Variants in SYPL2 observed in about 807,000 individuals in gnomAD.
SYPL2 encodes the protein synaptophysin like 2.
In SYPL2, 24 loss-of-function variants were observed where a neutral mutation model predicts 31.3. The ratio of observed to expected loss-of-function variants is 0.77; its 90% CI spans 0.56 to 1.08. The LOEUF (loss-of-function observed/expected upper bound fraction) is 1.08. Ranked by LOEUF, SYPL2 falls within the 50% of genes least tolerant of loss-of-function variation. The pLI is 0.00. For missense variants in SYPL2, 342 were observed against 360.1 expected (o/e 0.95, Z 0.41); for synonymous variants, 144 against 143.1 (o/e 1.01, Z -0.05).
intron 2 of SYPL2, among the ~76,000 whole-genome samples, chr1:109,468,163 A>G (rs2100998272): frequency 6.6e-6 from 1 of 152,330 alleles, no homozygotes; most frequent in East Asian, 1.9e-4. Flanking sequence ...GGGGGCATTT[A>G]GTGCACTATT....
intron 2 of SYPL2, among the ~76,000 whole-genome samples, chr1:109,468,074 GC>G (rs1200578885): frequency 6.6e-6 from 1 of 152,204 alleles, no homozygotes; most frequent in Non-Finnish European, 1.5e-5. Context: ...GCTTCACTAG[GC>G]CAGTGCCTAA....
chr1:109,467,240 C>T lies in SYPL2; in HGVS notation c.129+107C>T, dbSNP rs1379588671. 9.1e-5 allele frequency: 17 copies of T among 186,412 alleles called. No individual in the cohort carries two copies. In the East Asian group the frequency reaches 3.5e-3, roughly 38 times the overall value. The allele number at this position is 186,412 out of a possible 1,614,324, so 11.5% of individuals were successfully genotyped here. On this transcript the variant is annotated intron_variant, in intron 2 of 5. Coordinates refer to ENST00000369872, the MANE Select transcript of SYPL2 (RefSeq NM_001040709.2). ...CTGGGGAGGTGCTGCGGCCGGGCCA[C>T]GGCGGAAGGGTGGGGGGCGGCGACA...
intron 3 of SYPL2, among the ~76,000 whole-genome samples, chr1:109,476,047 G>A (rs967893931): frequency 6.6e-6 from 1 of 152,204 alleles, no homozygotes; most frequent in East Asian, 1.9e-4. Flanking sequence ...CTGACCCTCA[G>A]TAGCCTCCTC....
At chr1:109,470,857 G>T (rs1022677472) in intron 2 of SYPL2, among the ~76,000 whole-genome samples, 3 of 152,142 alleles carry the variant, frequency 2.0e-5, no homozygotes, top group Non-Finnish European at 4.4e-5. Context: ...CAATGCACAT[G>T]GTAGAGATCT....
At chr1:109,479,309 G>A in intron 5 of SYPL2, 69 bp from the exon 6 acceptor site, 1 of 1,560,368 alleles carries the variant, frequency 6.4e-7, no homozygotes, top group Non-Finnish European at 8.8e-7. Context: ...ACTGCAATAG[G>A]AACTCCCCCT....
intron 2 of SYPL2, among the ~76,000 whole-genome samples, chr1:109,472,546 G>A (rs543773393): frequency 6.6e-6 from 1 of 151,434 alleles, no homozygotes; most frequent in African/African-American, 2.4e-5. Flanking sequence ...TGAAGAGAAG[G>A]CTCCATAACT....
rs1287893494 is a variant in SYPL2 at position 109,477,574 on chromosome 1, G to T, written c.457-244G>T. ...TTTTGGGGTGAGGCTGACCAACGAT[G>T]CCTTGGTACACTGTTGCCAGATCTT... On this transcript the variant is annotated intron_variant, in intron 4 of 5. Transcript: ENST00000369872. Among the ~76,000 whole-genome samples the T allele has an allele frequency of 2.0e-5, 3 of 152,154 alleles. No individual in the cohort carries two copies. In the East Asian group the frequency reaches 5.8e-4, roughly 29 times the overall value.
chr1:109,473,626 C>G (rs918168481), intron 2 of SYPL2, among the ~76,000 whole-genome samples: 4 of 152,158 alleles, frequency 2.6e-5, no homozygotes, highest in African/African-American at 4.8e-5. Flanking sequence ...ACAGGCTGGG[C>G]TCATGCCTAT....
At chr1:109,473,104 G>C (rs938895101) in intron 2 of SYPL2, among the ~76,000 whole-genome samples, 3 of 152,164 alleles carry the variant, frequency 2.0e-5, no homozygotes, top group African/African-American at 7.2e-5. Flanking sequence ...ACTGACAAAA[G>C]ATTAGCGAAT....
At chr1:109,474,139 A>G (rs772076195) in intron 2 of SYPL2, among the ~76,000 whole-genome samples, 8 of 152,208 alleles carry the variant, frequency 5.3e-5, no homozygotes, top group Non-Finnish European at 7.3e-5. Context: ...TGTCCAAGAC[A>G]CTGAGTCTCG....
chr1:109,475,499 C>T, intron 2 of SYPL2, 82 bp from the exon 3 acceptor site: 2 of 1,540,568 alleles, frequency 1.3e-6, no homozygotes, highest in Admixed American at 1.9e-5. Context: ...TTAATGTCTG[C>T]ACCTGCGGGG....
At chr1:109,471,988 G>C (rs1419667880) in intron 2 of SYPL2, among the ~76,000 whole-genome samples, 1 of 151,782 alleles carries the variant, frequency 6.6e-6, no homozygotes, top group African/African-American at 2.4e-5. Flanking sequence ...ACAGGTCTGA[G>C]ACACTGCACC....
intron 3 of SYPL2, 101 bp downstream of exon 3, chr1:109,475,806 C>T (rs923916306): frequency 1.1e-5 from 16 of 1,471,908 alleles, no homozygotes; most frequent in South Asian, 5.4e-5. Flanking sequence ...CCATTCATTG[C>T]GTGCCACTCC....
chr1:109,474,469 C>T (rs568195631), intron 2 of SYPL2, among the ~76,000 whole-genome samples: 41 of 151,952 alleles, frequency 2.7e-4, no homozygotes, highest in African/African-American at 9.9e-4. Context: ...TCCCAAGTAG[C>T]TGAGATTACA....
At chr1:109,477,102 A>G (rs1656024679) in intron 4 of SYPL2, 125 bp downstream of exon 4, 2 of 1,144,164 alleles carry the variant, frequency 1.7e-6, no homozygotes, top group Non-Finnish European at 2.5e-6. Flanking sequence ...CTCTGCCTCC[A>G]TCAACCTCCC....
chr1:109,479,239 GCT>G, intron 5 of SYPL2, 137 bp from the exon 6 acceptor site: 2 of 915,132 alleles, frequency 2.2e-6, no homozygotes, highest in South Asian at 3.2e-5. Flanking sequence ...TCTATACCGA[GCT>G]CTCTGTCTTA....
At position 109,466,890 on chromosome 1, in the gene SYPL2, G is replaced by A. The variant is rs749291229; in HGVS notation, c.47G>A (p.Arg16His). The A allele has an allele frequency of 2.6e-6, 4 of 1,529,166 alleles. No individual in the cohort carries two copies. The African/African-American group carries it at 5.6e-5, about 21-fold the overall frequency. The allele number at this position is 1,529,166 out of a possible 1,614,324, so 94.7% of individuals were successfully genotyped here. A position where few individuals can be genotyped will look rare whatever the true frequency, so the allele number is the denominator to read the frequency against. The change falls in exon 1 of 6, where the codon CGC becomes CAC. Residue 16 changes from arginine to histidine, a missense_variant. Transcript: ENST00000369872. ...SAGRTADKSP[R>H]QQVDRLLVGL... is the part of the protein sequence containing the mutation. The stretch of plus-strand genomic sequence containing the variant: ...GGCCGCACGGCGGACAAGTCGCCGC[G>A]CCAGCAGGTAGTCCCTGCGCGCCCA...
chr1:109,474,496 C>T (rs1366237911), intron 2 of SYPL2, among the ~76,000 whole-genome samples: 3 of 151,832 alleles, frequency 2.0e-5, no homozygotes, highest in Non-Finnish European at 2.9e-5. Context: ...CGACACTCTA[C>T]CGCCAGGCTG....
chr1:109,471,662 G>T (rs757116566), intron 2 of SYPL2, among the ~76,000 whole-genome samples: 1 of 151,884 alleles, frequency 6.6e-6, no homozygotes, highest in South Asian at 2.1e-4. Flanking sequence ...TGATTTGCCC[G>T]CCTTGGCCTC....
Sources: gnomAD v4.1 joint callset for allele counts (sites outside exome capture counted in the v4.1 genomes callset) on GRCh38, gnomAD v4.1.1 for gene constraint, MANE v1.5 for transcripts, NCBI Gene and HGNC (gene_info 2026-07-23, HGNC 2026-07-21) for gene names.